The following CCDC61 variants were observed in gnomAD, a reference collection of about 807,000 sequenced individuals.
CCDC61 encodes centrosomal protein CCDC61.
CCDC61 carries 55 observed loss-of-function variants against 63.0 expected under a neutral mutation model. The observed-to-expected ratio is 0.87, with a 90% CI of 0.70 to 1.09. The LOEUF is 1.09. Among genes scored for constraint, CCDC61 ranks in the 50% least tolerant of loss-of-function variants. CCDC61 has a pLI of 0.00. For missense variants in CCDC61, 651 were observed against 731.4 expected, an observed-to-expected ratio of 0.89 and a Z score of 1.27; for synonymous variants, 270 against 317.0, an observed-to-expected ratio of 0.85 and a Z score of 1.58.
At chr19:46,002,091 G>C (rs1435506693) in intron 1 of CCDC61, among the ~76,000 whole-genome samples, 1 of 151,886 alleles carries the variant, frequency 6.6e-6, no homozygotes, top group Admixed American at 6.6e-5. Context: ...TTACAGGCAC[G>C]GGGCACCACA....
At chr19:46,012,777 T>G (rs1197022339) in intron 5 of CCDC61, among the ~76,000 whole-genome samples, 1 of 152,006 alleles carries the variant, frequency 6.6e-6, no homozygotes, top group Non-Finnish European at 1.5e-5. Flanking sequence ...CTTGATTTGC[T>G]TATGGTTTTG....
rs758226056 is a variant in CCDC61 at position 46,016,206 on chromosome 19, C to T, written c.998C>T (p.Pro333Leu). The T allele has an allele frequency of 2.1e-6, 3 of 1,427,144 alleles. No individual in the cohort carries two copies. The highest frequency in any genetic ancestry group is 1.8e-6 in the Non-Finnish European group (2 of 1,093,054). The allele number at this position is 1,427,144 out of a possible 1,614,324, so 88.4% of individuals were successfully genotyped here. The change falls in exon 8 of 14, where the codon CCC (proline) becomes CTC (leucine). Residue 333 changes from proline to leucine, a missense_variant. Transcript: ENST00000595358. This position sits in a 1 kb window ranked among gnomAD's most constrained non-coding sequence, Gnocchi z 7.2. The part of the protein sequence containing the change: ...GSRGRGRPAR[P>L]SPSPTGGRAL... ...CGGGGTCGGGGCCGCCCTGCGCGCC[C>T]CTCGCCCTCGCCCACAGGTCTGTGC...
At position 46,003,272 on chromosome 19, in the gene CCDC61, C is replaced by T. The variant is rs181851247; in HGVS notation, c.148+106C>T. 7.6e-4 allele frequency: 1,109 copies of T among 1,456,762 alleles called. 12 individuals are homozygous for T. The African/African-American group carries it at 0.014, about 18-fold the overall frequency. 90.2% of individuals were successfully genotyped at this position (1,456,762 alleles called of 1,614,324 possible). A position where few individuals can be genotyped will look rare whatever the true frequency, so the allele number is the denominator to read the frequency against. Reference sequence around the variant, plus strand: ...CTGCCCACCTGCCTCTTCTTTGTCACCAGAAACTCTCCAGTGTGGGGAGGG... The same window carrying T: ...CTGCCCACCTGCCTCTTCTTTGTCATCAGAAACTCTCCAGTGTGGGGAGGG... On this transcript the variant is annotated intron_variant, in intron 2 of 13. Coordinates refer to ENST00000595358, the MANE Select transcript of CCDC61 (RefSeq NM_001267723.2).
intron 3 of CCDC61, among the ~76,000 whole-genome samples, chr19:46,004,524 G>C (rs984459124): frequency 1.3e-5 from 2 of 152,152 alleles, no homozygotes; most frequent in Non-Finnish European, 2.9e-5. Flanking sequence ...GAGTGCAGTG[G>C]CGTGATCTCA....
At position 46,008,252 on chromosome 19, in the gene CCDC61, C is replaced by G; in HGVS notation, c.502C>G (p.Gln168Glu). The G allele has an allele frequency of 6.7e-7, 1 of 1,484,868 alleles. No individual in the cohort carries two copies. Among genetic ancestry groups the G allele is most frequent in the Non-Finnish European group, 9.1e-7 (1 of 1,099,072 alleles). The allele number at this position is 1,484,868 out of a possible 1,614,324, so 92.0% of individuals were successfully genotyped here. The change falls in exon 5 of 14, where the codon CAG (glutamine) becomes GAG (glutamate). Residue 168 changes from glutamine to glutamate, a missense_variant. By Grantham distance (29) the Gln-to-Glu change is conservative. Coordinates refer to ENST00000595358, the MANE Select transcript of CCDC61 (RefSeq NM_001267723.2). Reference sequence around the variant, plus strand: ...GGGCCGCCTGCAAGGGCTGGATGGCCAGAACACTCGGGACACCCGGGAGAA... The same window carrying G: ...GGGCCGCCTGCAAGGGCTGGATGGCGAGAACACTCGGGACACCCGGGAGAA... ...ELGRLQGLDG[Q>E]NTRDTRENEI... is the part of the protein sequence containing the mutation.
rs1426127218 is a variant in CCDC61, at chr19:46,016,831, C to T, written c.1229C>T (p.Ser410Leu). 3.3e-6 allele frequency: 5 copies of T among 1,514,634 alleles called. No individual in the cohort carries two copies. The highest frequency in any genetic ancestry group is 4.4e-6 in the Non-Finnish European group (5 of 1,130,248). The allele number at this position is 1,514,634 out of a possible 1,614,324, so 93.8% of individuals were successfully genotyped here. A position where few individuals can be genotyped will look rare whatever the true frequency, so the allele number is the denominator to read the frequency against. The change falls in exon 10 of 14, where the codon TCA becomes TTA. Residue 410 changes from serine to leucine, a missense_variant and splice_region_variant. By Grantham distance (145) the Ser-to-Leu change is moderately radical. Coordinates refer to ENST00000595358, the MANE Select transcript of CCDC61 (RefSeq NM_001267723.2). This position sits in a 1 kb window ranked among gnomAD's most constrained non-coding sequence, Gnocchi z 7.2. Reference sequence around the variant, plus strand: ...AACCGCTCCCGAAACCGCAGCTCCTCAGGTAACTGGCCTGGAGCTGGGGGC... The same window carrying T: ...AACCGCTCCCGAAACCGCAGCTCCTTAGGTAACTGGCCTGGAGCTGGGGGC... ...APNRSRNRSS[S>L]VDSFRSRCSS...
chr19:46,016,234 C>T lies in CCDC61; in HGVS notation c.1015+11C>T, dbSNP rs747672280. On this transcript the variant is annotated intron_variant, in intron 8 of 13. Coordinates refer to ENST00000595358, the MANE Select transcript of CCDC61 (RefSeq NM_001267723.2). This position sits in a 1 kb window ranked among gnomAD's most constrained non-coding sequence, Gnocchi z 7.2. ...CGCCCTCGCCCACAGGTCTGTGCCC[C>T]TGCCCTGCGGTAGGGAGGGGACGCA... 1.9e-6 allele frequency: 3 copies of T among 1,571,554 alleles called. No homozygotes were observed. The highest frequency in any genetic ancestry group is 2.7e-5 in the African/African-American group (2 of 73,928).
chr19:46,017,516 C>T (rs778233114), intron 12 of CCDC61, among the ~76,000 whole-genome samples: 5 of 141,202 alleles, frequency 3.5e-5, no homozygotes, highest in Non-Finnish European at 7.7e-5. Flanking sequence ...CCTCCCACCT[C>T]GGCCTATGGA....
rs1302460975 is a variant in CCDC61, at chr19:46,006,652, C to A, written c.325C>A (p.Pro109Thr). The part of the protein sequence containing the change: ...KMGGRPGSLA[P>T]RSAQLNSKRY... ...GGGGGGCCGCCCAGGCTCCTTGGCC[C>A]CCAGGTCGGCCCAGCTCAACTCCAA... Residue 109 changes from proline to threonine, a missense_variant, in exon 4 of 14, where the codon CCC becomes ACC. Coordinates refer to ENST00000595358, the MANE Select transcript of CCDC61 (RefSeq NM_001267723.2). 1 of 1,613,822 alleles carries A rather than the reference C, an allele frequency of 6.2e-7. No individual in the cohort carries two copies. The highest frequency in any genetic ancestry group is 2.2e-5 in the East Asian group (1 of 44,884).
At chr19:46,001,547 C>T (rs983218630) in intron 1 of CCDC61, among the ~76,000 whole-genome samples, 5 of 152,158 alleles carry the variant, frequency 3.3e-5, no homozygotes, top group African/African-American at 4.8e-5. Context: ...TTAACCTGGA[C>T]TTATGAACCA....
rs1165741974 is a variant in CCDC61, at chr19:46,017,245, A to G, written c.1311-2A>G. On this transcript the variant is annotated splice_acceptor_variant, in intron 11 of 13. Coordinates refer to ENST00000595358, the MANE Select transcript of CCDC61 (RefSeq NM_001267723.2). LOFTEE classifies it high-confidence loss of function. Reference sequence around the variant, plus strand: ...TGGTCCTTGGTTACTCCTTTTTCTCAGGGGTCACCGCCGCCGTGGGAAGCC... The same window carrying G: ...TGGTCCTTGGTTACTCCTTTTTCTCGGGGGTCACCGCCGCCGTGGGAAGCC... 1 of 1,561,698 alleles carries G rather than the reference A, an allele frequency of 6.4e-7. No individual in the cohort carries two copies. Among genetic ancestry groups the G allele is most frequent in the East Asian group, 2.4e-5 (1 of 41,884 alleles).
intron 3 of CCDC61, among the ~76,000 whole-genome samples, chr19:46,004,739 A>G (rs1968666755): frequency 6.6e-6 from 1 of 151,834 alleles, no homozygotes; most frequent in Non-Finnish European, 1.5e-5. Flanking sequence ...TGTTGCAATT[A>G]CAAGCGTGAG....
rs940421018 is a variant in CCDC61 at position 46,018,411 on chromosome 19, C to T, written c.*24C>T. ...AACGTGGAGAAGGGGTACTACCCCT[C>T]CATCCCCCACCCACTTGCTGGGTAT... On this transcript the variant is annotated 3_prime_UTR_variant, in exon 14 of 14. Transcript: ENST00000595358. The surrounding 1 kb of genome is among the most constrained non-coding windows in gnomAD (Gnocchi z 4.2). 12 of 1,517,550 alleles carry T rather than the reference C, an allele frequency of 7.9e-6. No homozygotes were observed. Among genetic ancestry groups the T allele is most frequent in the African/African-American group, 6.9e-5 (5 of 72,452 alleles). The allele number at this position is 1,517,550 out of a possible 1,614,324, so 94.0% of individuals were successfully genotyped here.
In CCDC61 at chr19:46,015,465, C is replaced by A; in HGVS notation, c.845+38C>A. The A allele has an allele frequency of 1.6e-6, 2 of 1,221,028 alleles. No homozygotes were observed. 75.6% of individuals were successfully genotyped at this position (1,221,028 alleles called of 1,614,324 possible). ...CCTGCCAGGCGCCTGGGCGGATGGG[C>A]GGGCCCTGAGGGTGTGGAGGCTGAT... is the stretch of plus-strand genomic sequence containing the variant. On this transcript the variant is annotated intron_variant, in intron 7 of 13. Coordinates refer to ENST00000595358, the MANE Select transcript of CCDC61 (RefSeq NM_001267723.2). The surrounding 1 kb of genome is among the most constrained non-coding windows in gnomAD (Gnocchi z 5.3).
At chr19:45,998,337 C>T (rs1312279753) in intron 1 of CCDC61, among the ~76,000 whole-genome samples, 1 of 152,152 alleles carries the variant, frequency 6.6e-6, no homozygotes, top group African/African-American at 2.4e-5. Context: ...TAGTTGGGAC[C>T]CGACCTAGGA....
intron 4 of CCDC61, among the ~76,000 whole-genome samples, chr19:46,007,427 A>C (rs980508535): frequency 3.3e-5 from 5 of 152,126 alleles, no homozygotes; most frequent in African/African-American, 1.2e-4. Context: ...ATCTATATCA[A>C]GGCAGGAAGA....
In CCDC61 at chr19:46,016,909, AGGGC is replaced by A; in HGVS notation, c.1232-73_1232-70del. 1 of 231,792 alleles carries A rather than the reference AGGGC, an allele frequency of 4.3e-6. No homozygotes were observed. The highest frequency in any genetic ancestry group is 8.6e-6 in the Non-Finnish European group (1 of 115,854). 14.4% of individuals were successfully genotyped at this position (231,792 alleles called of 1,614,324 possible). A position where few individuals can be genotyped will look rare whatever the true frequency, so the allele number is the denominator to read the frequency against. On this transcript the variant is annotated intron_variant, in intron 10 of 13. Transcript: ENST00000595358. This position sits in a 1 kb window ranked among gnomAD's most constrained non-coding sequence, Gnocchi z 7.2. Reference sequence around the variant, plus strand: ...CTGGGCGGGCTGGGAGGCACTGGGCAGGGCGGGCGGGCTGGGAGGGCCTGGGAAG... The same window carrying A: ...CTGGGCGGGCTGGGAGGCACTGGGCAGGGCGGGCTGGGAGGGCCTGGGAAG...
Position 46,015,076 on chromosome 19 carries a change from G to T in CCDC61, c.579G>T (p.Arg193=), listed in dbSNP as rs769810459. 7 of 1,467,252 alleles carry T rather than the reference G, an allele frequency of 4.8e-6. No homozygotes were observed. The highest frequency in any genetic ancestry group is 2.7e-6 in the Non-Finnish European group (3 of 1,113,244). 90.9% of individuals were successfully genotyped at this position (1,467,252 alleles called of 1,614,324 possible). A position where few individuals can be genotyped will look rare whatever the true frequency, so the allele number is the denominator to read the frequency against. Residue 193 remains arginine (R), a synonymous_variant, in exon 6 of 14, where the codon CGG becomes CGT. Coordinates refer to ENST00000595358, the MANE Select transcript of CCDC61 (RefSeq NM_001267723.2). This position sits in a 1 kb window ranked among gnomAD's most constrained non-coding sequence, Gnocchi z 5.3. The part of the protein sequence containing the change: ...EQVSRLASEK[R]ELEAQLGRSR... Reference sequence around the variant, plus strand: ...TGTCGCGCCTGGCGTCCGAGAAGCGGGAGCTGGAGGCGCAGCTGGGCCGAT... The same window carrying T: ...TGTCGCGCCTGGCGTCCGAGAAGCGTGAGCTGGAGGCGCAGCTGGGCCGAT...
At position 46,018,516 on chromosome 19, in the gene CCDC61, G is replaced by A. The variant is rs906041255; in HGVS notation, c.*129G>A. The A allele has an allele frequency of 2.9e-6, 2 of 687,348 alleles. No individual in the cohort carries two copies. Among genetic ancestry groups the A allele is most frequent in the Admixed American group, 2.7e-5 (1 of 36,606 alleles). 42.6% of individuals were successfully genotyped at this position (687,348 alleles called of 1,614,324 possible). A position where few individuals can be genotyped will look rare whatever the true frequency, so the allele number is the denominator to read the frequency against. On this transcript the variant is annotated 3_prime_UTR_variant, in exon 14 of 14. Transcript: ENST00000595358. The surrounding 1 kb of genome is among the most constrained non-coding windows in gnomAD (Gnocchi z 4.2). ...CCCCGTCCCTCCTGCTGCCCCTGGG[G>A]TCTCAGGTGTGTGAGGCCCTGACCC...
Sources: allele counts gnomAD v4.1 joint callset (sites outside exome capture counted in the v4.1 genomes callset), GRCh38; gene constraint gnomAD v4.1.1; non-coding constraint Gnocchi (gnomAD v3.1); transcripts MANE v1.5; gene names NCBI Gene and HGNC (gene_info 2026-07-23, HGNC 2026-07-21).